Variants in RAPGEF2 observed in about 807,000 individuals in gnomAD.
RAPGEF2 encodes the protein Rap guanine nucleotide exchange factor 2, also known as PDZ domain containing guanine nucleotide exchange factor (GEF) 1.
In RAPGEF2, 54 loss-of-function variants were observed where a neutral mutation model predicts 186.7. The ratio of observed to expected loss-of-function variants is 0.29; its 90% CI spans 0.23 to 0.36. RAPGEF2 has a LOEUF of 0.36. RAPGEF2 is among the 10% of genes least tolerant of loss of function. RAPGEF2 has a pLI of 1.00. For synonymous variants in RAPGEF2, 712 were observed against 705.9 expected (o/e 1.01, Z -0.14); for missense variants, 1,532 against 2,045.0 (o/e 0.75, Z 4.84).
rs149015491 is a variant in RAPGEF2 at position 159,354,006 on chromosome 4, C to T, written c.4611C>T (p.Ala1537=). The change falls in exon 28 of 30, where the codon GCC becomes GCT. Residue 1537 remains alanine (A), a synonymous_variant. Coordinates refer to ENST00000691494, the MANE Select transcript of RAPGEF2 (RefSeq NM_001394067.2). The part of the protein sequence containing the change: ...TEETKPVPMP[A]HIAVASSTTK... ...AAACCAAGCCTGTCCCCATGCCTGC[C>T]CACATAGCTGTGGCATCAAGTACTA... 77 of 1,606,480 alleles carry T rather than the reference C, an allele frequency of 4.8e-5. No individual in the cohort carries two copies. The African/African-American group carries it at 8.2e-4, about 17-fold the overall frequency.
chr4:159,336,496 A>C (rs1210337087), intron 17 of RAPGEF2, among the ~76,000 whole-genome samples: 1 of 152,132 alleles, frequency 6.6e-6, no homozygotes, highest in African/African-American at 2.4e-5. Flanking sequence ...AAAAGACATT[A>C]TTTTGTTCCT....
chr4:159,134,310 A>G (rs1741456969), intron 1 of RAPGEF2, among the ~76,000 whole-genome samples: 1 of 152,184 alleles, frequency 6.6e-6, no homozygotes, highest in South Asian at 2.1e-4. Context: ...TGTATGTATC[A>G]ATGGTTTGCT....
In RAPGEF2 at chr4:159,353,992, G is replaced by T. The variant is rs1361145606; in HGVS notation, c.4597G>T (p.Val1533Phe). 2 of 1,612,420 alleles carry T rather than the reference G, an allele frequency of 1.2e-6. No individual in the cohort carries two copies. Among genetic ancestry groups the T allele is most frequent in the African/African-American group, 1.3e-5 (1 of 75,034 alleles). ...TSVTTEETKP[V>F]PMPAHIAVAS... ...TGTGACTACGGAAGAAACCAAGCCT[G>T]TCCCCATGCCTGCCCACATAGCTGT... The change falls in exon 28 of 30, where the codon GTC (valine) becomes TTC (phenylalanine). Residue 1533 changes from valine to phenylalanine, a missense_variant. Coordinates refer to ENST00000691494, the MANE Select transcript of RAPGEF2 (RefSeq NM_001394067.2). This position sits in a 1 kb window ranked among gnomAD's most constrained non-coding sequence, Gnocchi z 4.3.
intron 4 of RAPGEF2, among the ~76,000 whole-genome samples, chr4:159,227,645 T>G (rs1752182941): frequency 6.6e-6 from 1 of 152,192 alleles, no homozygotes; most frequent in Admixed American, 6.5e-5. Context: ...CACGAGGACA[T>G]AGACACTACC....
intron 3 of RAPGEF2, among the ~76,000 whole-genome samples, chr4:159,206,458 T>G (rs924998818): frequency 3.3e-5 from 5 of 152,174 alleles, no homozygotes; most frequent in Admixed American, 6.5e-5. Context: ...GGAAGTGAGG[T>G]CTCAATTTGC....
rs541840705 is a variant in RAPGEF2, at chr4:159,302,798, TTTA to T, written c.544-1536_544-1534del. ...TTTTTACTTTTTATTTTTTATTTTT[TTTA>T]TTATTATACTGTAAGTTTTAGGGTA... On this transcript the variant is annotated intron_variant, in intron 7 of 29. Coordinates refer to ENST00000691494, the MANE Select transcript of RAPGEF2 (RefSeq NM_001394067.2). 9.2e-5 allele frequency among the ~76,000 whole-genome samples: 14 copies of T among 151,938 alleles called. No individual in the cohort carries two copies. The East Asian group carries it at 2.7e-3, about 29-fold the overall frequency.
intron 1 of RAPGEF2, among the ~76,000 whole-genome samples, chr4:159,131,542 T>TTTTTTTTTTC: frequency 6.7e-6 from 1 of 149,724 alleles, no homozygotes; most frequent in Admixed American, 6.7e-5. Flanking sequence ...TTTTTTTTTT[T>TTTTTTTTTTC]TTTTAGCTTT....
At chr4:159,111,627 A>G (rs768483868) in intron 1 of RAPGEF2, among the ~76,000 whole-genome samples, 2 of 152,232 alleles carry the variant, frequency 1.3e-5, no homozygotes, top group Non-Finnish European at 2.9e-5. Context: ...GAAGCCAACA[A>G]TCAGTGGATC....
intron 11 of RAPGEF2, 142 bp from the exon 12 acceptor site, chr4:159,329,716 G>A (rs946998622): frequency 1.3e-5 from 8 of 595,018 alleles, no homozygotes; most frequent in East Asian, 9.3e-5. Context: ...TCTGATTAAG[G>A]TTCATTACAG....
chr4:159,219,347 C>CTTTTTTTT (rs70962664), intron 4 of RAPGEF2, among the ~76,000 whole-genome samples: 2 of 81,446 alleles, frequency 2.5e-5, no homozygotes, highest in African/African-American at 1.1e-4. Flanking sequence ...CAACTGTATC[C>CTTTTTTTT]TTTTTTTTTT....
chr4:159,301,958 A>C (rs1762723687), intron 7 of RAPGEF2, among the ~76,000 whole-genome samples: 1 of 152,248 alleles, frequency 6.6e-6, no homozygotes. Context: ...GGAATGTCTT[A>C]CTTATCTTGA....
At chr4:159,344,121 C>A in intron 23 of RAPGEF2, 62 bp downstream of exon 23, 1 of 1,488,490 alleles carries the variant, frequency 6.7e-7, no homozygotes, top group South Asian at 1.1e-5. Context: ...GCATTGTTTT[C>A]TTACCTGCTG....
intron 29 of RAPGEF2, among the ~76,000 whole-genome samples, chr4:159,357,629 G>A (rs1732220221): frequency 6.6e-6 from 1 of 152,312 alleles, no homozygotes; most frequent in African/African-American, 2.4e-5. Flanking sequence ...GTTGCAGTGA[G>A]CCGAGAACAC....
At chr4:159,138,658 A>T (rs945723128) in intron 1 of RAPGEF2, among the ~76,000 whole-genome samples, 1 of 152,170 alleles carries the variant, frequency 6.6e-6, no homozygotes, top group African/African-American at 2.4e-5. Flanking sequence ...TACATTGGGG[A>T]ATGTTTTTTA....
chr4:159,292,026 G>C (rs527845295), intron 7 of RAPGEF2, among the ~76,000 whole-genome samples: 1 of 152,170 alleles, frequency 6.6e-6, no homozygotes, highest in African/African-American at 2.4e-5. Flanking sequence ...TTTTGTATAT[G>C]TGTGTAGAAT....
chr4:159,281,084 C>T (rs1450625625), intron 7 of RAPGEF2, among the ~76,000 whole-genome samples: 3 of 151,848 alleles, frequency 2.0e-5, no homozygotes, highest in East Asian at 3.9e-4. Flanking sequence ...TTCCGCCTCC[C>T]GGGTTCAAGC....
At chr4:159,261,151 T>A (rs771864997) in intron 7 of RAPGEF2, among the ~76,000 whole-genome samples, 4 of 151,916 alleles carry the variant, frequency 2.6e-5, no homozygotes, top group Non-Finnish European at 5.9e-5. Flanking sequence ...AAGCTCTCCC[T>A]CCCAGGTTCA....
intron 1 of RAPGEF2, among the ~76,000 whole-genome samples, chr4:159,104,538 G>GAGAGAC (rs1737632346): frequency 9.2e-6 from 1 of 109,176 alleles, no homozygotes. Flanking sequence ...GAGAGACAGA[G>GAGAGAC]AGAGAGAGAG....
chr4:159,250,892 C>T (rs1330921025), intron 7 of RAPGEF2, among the ~76,000 whole-genome samples: 2 of 152,126 alleles, frequency 1.3e-5, no homozygotes, highest in African/African-American at 2.4e-5. Flanking sequence ...TGGCCGGAGC[C>T]GGCTCCCTCT....
Sources: allele counts gnomAD v4.1 joint callset (sites outside exome capture counted in the v4.1 genomes callset), GRCh38; gene constraint gnomAD v4.1.1; non-coding constraint Gnocchi (gnomAD v3.1); transcripts MANE v1.5; gene names NCBI Gene and HGNC (gene_info 2026-07-23, HGNC 2026-07-21).